Variants in SGMS1 observed in about 807,000 individuals in gnomAD.
The protein encoded by SGMS1 is sphingomyelin synthase 1.
A neutral mutation model predicts 46.2 loss-of-function variants in SGMS1; 13 were observed. That is an observed-to-expected ratio of 0.28 (90% CI 0.18 to 0.45). SGMS1 has a LOEUF of 0.45. Ranked by LOEUF, SGMS1 falls within the 20% of genes least tolerant of loss-of-function variation. The pLI is 1.00. For synonymous variants in SGMS1, 203 were observed against 187.8 expected, an observed-to-expected ratio of 1.08 and a Z score of -0.66; for missense variants, 324 against 519.9, an observed-to-expected ratio of 0.62 and a Z score of 3.66.
chr10:50,382,568 T>TAC (rs57835243), intron 6 of SGMS1, among the ~76,000 whole-genome samples: 25,426 of 142,604 alleles, frequency 0.18, 2,651 homozygotes, highest in Non-Finnish European at 0.25. Context: ...AACACACACA[T>TAC]ACACACACAC....
At chr10:50,423,662 A>T (rs934113066) in intron 6 of SGMS1, among the ~76,000 whole-genome samples, 1 of 152,074 alleles carries the variant, frequency 6.6e-6, no homozygotes, top group Non-Finnish European at 1.5e-5. Flanking sequence ...AAGTGCACGA[A>T]CTCTTATATA....
chr10:50,567,786 C>T (rs1364203299), intron 2 of SGMS1, among the ~76,000 whole-genome samples: 1 of 152,174 alleles, frequency 6.6e-6, no homozygotes, highest in Non-Finnish European at 1.5e-5. Context: ...ATTTCAAATG[C>T]TTCAATTTTC....
intron 3 of SGMS1, among the ~76,000 whole-genome samples, chr10:50,495,799 GC>G (rs1233639951): frequency 6.6e-6 from 1 of 151,524 alleles, no homozygotes; most frequent in Non-Finnish European, 1.5e-5. Context: ...GGAATAGTAT[GC>G]ATATCATACA....
intron 5 of SGMS1, among the ~76,000 whole-genome samples, chr10:50,433,985 C>G (rs1347959326): frequency 6.6e-6 from 1 of 152,216 alleles, no homozygotes; most frequent in Non-Finnish European, 1.5e-5. Context: ...CTGCTCTGAG[C>G]CAGGCAACAA....
intron 2 of SGMS1, among the ~76,000 whole-genome samples, chr10:50,544,779 A>T (rs1432734107): frequency 1.3e-5 from 2 of 152,172 alleles, no homozygotes; most frequent in African/African-American, 2.4e-5. Context: ...AGCACACAGC[A>T]TTGGTCTCAG....
intron 2 of SGMS1, among the ~76,000 whole-genome samples, chr10:50,573,007 C>T (rs1397558714): frequency 6.6e-6 from 1 of 152,100 alleles, no homozygotes; most frequent in Non-Finnish European, 1.5e-5. Context: ...TCAATAGCTG[C>T]AGAAAAAGCA....
intron 2 of SGMS1, among the ~76,000 whole-genome samples, chr10:50,534,423 C>A (rs1041467108): frequency 6.6e-6 from 1 of 152,080 alleles, no homozygotes; most frequent in Non-Finnish European, 1.5e-5. Flanking sequence ...ATTAAATTGG[C>A]ACTTTAAAAT....
intron 2 of SGMS1, among the ~76,000 whole-genome samples, chr10:50,546,293 G>A (rs2983360): frequency 0.4 from 61,008 of 151,970 alleles, 13,285 homozygotes; most frequent in East Asian, 0.74. Context: ...TGGAGTTTTT[G>A]AAAGAGGATT....
intron 2 of SGMS1, among the ~76,000 whole-genome samples, chr10:50,545,208 C>T (rs1461808749): frequency 6.6e-6 from 1 of 152,116 alleles, no homozygotes; most frequent in Non-Finnish European, 1.5e-5. Context: ...CCTTAAGGTT[C>T]CTAGTGTCAC....
intron 6 of SGMS1, 61 bp from the exon 7 acceptor site, chr10:50,344,406 A>T: frequency 2.8e-6 from 1 of 362,166 alleles, no homozygotes; most frequent in Non-Finnish European, 5.0e-6. Context: ...CTCAAAACGC[A>T]AAGCCTTATA....
At chr10:50,396,689 T>C (rs1589422786) in intron 6 of SGMS1, among the ~76,000 whole-genome samples, 1 of 152,194 alleles carries the variant, frequency 6.6e-6, no homozygotes, top group South Asian at 2.1e-4. Context: ...GAGTACCTAG[T>C]AGAGTCTAGG....
chr10:50,346,916 C>T (rs78355524), intron 6 of SGMS1, among the ~76,000 whole-genome samples: 4,453 of 152,144 alleles, frequency 0.029, 192 homozygotes, highest in African/African-American at 0.1. Context: ...CTATGTTGCT[C>T]GGGCTGGCCC....
At chr10:50,424,029 A>C (rs192213380) in intron 6 of SGMS1, among the ~76,000 whole-genome samples, 5 of 152,388 alleles carry the variant, frequency 3.3e-5, no homozygotes, top group Admixed American at 3.3e-4. Flanking sequence ...AGAAACAGGG[A>C]GTCAAGAATG....
intron 3 of SGMS1, among the ~76,000 whole-genome samples, chr10:50,473,143 T>C (rs543810160): frequency 6.6e-6 from 1 of 151,466 alleles, no homozygotes; most frequent in African/African-American, 2.5e-5. Context: ...CTAAAACTGT[T>C]AATGCTTAAA....
At chr10:50,494,010 G>T (rs1043650796) in intron 3 of SGMS1, among the ~76,000 whole-genome samples, 6 of 152,212 alleles carry the variant, frequency 3.9e-5, no homozygotes, top group Non-Finnish European at 8.8e-5. Context: ...TGTTGGCCAG[G>T]CTGGTCTCAA....
At chr10:50,351,018 T>C (rs1394603482) in intron 6 of SGMS1, among the ~76,000 whole-genome samples, 1 of 152,080 alleles carries the variant, frequency 6.6e-6, no homozygotes, top group Admixed American at 6.5e-5. Flanking sequence ...TGCCAGTCCA[T>C]GAAATCAGCC....
chr10:50,341,661 A>G (rs1484176517), intron 7 of SGMS1, among the ~76,000 whole-genome samples: 3 of 152,124 alleles, frequency 2.0e-5, no homozygotes, highest in Non-Finnish European at 4.4e-5. Context: ...CACCCAAACC[A>G]CTCAGCAAGT....
At chr10:50,513,284 G>C (rs1358260215) in intron 3 of SGMS1, among the ~76,000 whole-genome samples, 2 of 152,162 alleles carry the variant, frequency 1.3e-5, no homozygotes, top group Admixed American at 6.5e-5. Context: ...ATGGTCCCTG[G>C]GAAAAACAGC....
rs543321105 is a variant in SGMS1 at position 50,344,777 on chromosome 10, CAGG to C, written c.-231-435_-231-433del. ...CCAGCTACTCCTGCCCAGGCTGAGG[CAGG>C]AGAATGGTGTGAACCCGGGAGGCGG... On this transcript the variant is annotated intron_variant, in intron 6 of 10. Transcript: ENST00000361781. Among the ~76,000 whole-genome samples, 1,418 of 151,936 alleles carry C rather than the reference CAGG, an allele frequency of 9.3e-3. 15 individuals are homozygous for C. Among genetic ancestry groups the C allele is most frequent in the African/African-American group, 0.032 (1,341 of 41,398 alleles).
Sources: gnomAD v4.1 joint callset for allele counts (sites outside exome capture counted in the v4.1 genomes callset) on GRCh38, gnomAD v4.1.1 for gene constraint, MANE v1.5 for transcripts, NCBI Gene and HGNC (gene_info 2026-07-23, HGNC 2026-07-21) for gene names.